The following ELAVL2 variants were observed in gnomAD, a reference collection of about 807,000 sequenced individuals.
The protein encoded by ELAVL2 is ELAV-like protein 2.
Under a neutral mutation model 34.6 loss-of-function variants are expected in ELAVL2, and 4 were observed. The observed-to-expected ratio is 0.12, with a 90% CI of 0.06 to 0.26. The LOEUF is 0.26. Ranked by LOEUF, ELAVL2 falls within the 10% of genes least tolerant of loss-of-function variation. The probability of loss-of-function intolerance (pLI) is 1.00; values close to 1 mark genes in which losing one functional copy is unlikely to be tolerated. For synonymous variants in ELAVL2, 193 were observed against 154.8 expected (o/e 1.25, Z -1.83); for missense variants, 432 against 442.8 (o/e 0.98, Z 0.22).
At chr9:23,804,786 C>T (rs1017947583) in intron 1 of ELAVL2, among the ~76,000 whole-genome samples, 11 of 152,092 alleles carry the variant, frequency 7.2e-5, no homozygotes, top group African/African-American at 2.4e-4. Context: ...AAAGGCAAGT[C>T]GGGAACCAGC....
At chr9:23,834,927 A>G in the ELAVL2 span, among the ~76,000 whole-genome samples, 1 of 152,096 alleles carries the variant, frequency 6.6e-6, no homozygotes, top group Non-Finnish European at 1.5e-5. Flanking sequence ...CTTTTATCAC[A>G]AAAAGCTCAA....
At chr9:23,779,786 T>C (rs963185720) in intron 1 of ELAVL2, among the ~76,000 whole-genome samples, 7 of 151,900 alleles carry the variant, frequency 4.6e-5, no homozygotes, top group African/African-American at 1.7e-4. Context: ...CAGGAGAAAC[T>C]ATACTTTTCA....
At chr9:23,730,104 C>T (rs1210405784) in intron 3 of ELAVL2, among the ~76,000 whole-genome samples, 2 of 151,922 alleles carry the variant, frequency 1.3e-5, no homozygotes, top group Admixed American at 1.3e-4. Context: ...AGAAAGAGTG[C>T]CATGATTGAC....
At chr9:23,712,998 C>G (rs554073572) in intron 3 of ELAVL2, among the ~76,000 whole-genome samples, 3 of 152,334 alleles carry the variant, frequency 2.0e-5, no homozygotes, top group Admixed American at 2.0e-4. Context: ...TAAACAGCCT[C>G]TGACAAACTA....
chr9:23,729,058 A>G (rs1189569684), intron 3 of ELAVL2, among the ~76,000 whole-genome samples: 2 of 152,152 alleles, frequency 1.3e-5, no homozygotes, highest in African/African-American at 4.8e-5. Context: ...CTGGATGATG[A>G]ACAGTAAGGA....
intron 1 of ELAVL2, among the ~76,000 whole-genome samples, chr9:23,816,317 TAAAAAAAAAAAAAAAA>T (rs10717104): frequency 7.6e-4 from 34 of 44,708 alleles, no homozygotes; most frequent in African/African-American, 3.0e-3. Flanking sequence ...AAGCTTTCAG[TAAAAAAAAAAAAAAAA>T]AAAAAAAAAA....
At chr9:23,711,208 G>C (rs1475664254) in intron 3 of ELAVL2, among the ~76,000 whole-genome samples, 2 of 152,106 alleles carry the variant, frequency 1.3e-5, no homozygotes, top group African/African-American at 2.4e-5. Flanking sequence ...AGGTATTAAA[G>C]GTTAGGGCAG....
intron 2 of ELAVL2, among the ~76,000 whole-genome samples, chr9:23,739,615 G>C (rs1239725003): frequency 2.0e-5 from 3 of 151,808 alleles, no homozygotes; most frequent in Non-Finnish European, 4.4e-5. Context: ...AAAGACAATG[G>C]AGTTGTTCAA....
intron 1 of ELAVL2, among the ~76,000 whole-genome samples, chr9:23,814,688 A>T (rs964773587): frequency 2.6e-5 from 4 of 152,154 alleles, no homozygotes; most frequent in African/African-American, 4.8e-5. Flanking sequence ...CAGGTTATAA[A>T]ATCTTGCTCC....
chr9:23,829,034 T>G (rs2138732326), upstream of ELAVL2, among the ~76,000 whole-genome samples: 1 of 152,304 alleles, frequency 6.6e-6, no homozygotes, highest in South Asian at 2.1e-4. Flanking sequence ...TCACTCATAG[T>G]TTGGTAAAAG....
chr9:23,807,926 T>C (rs894602738), intron 1 of ELAVL2, among the ~76,000 whole-genome samples: 5 of 152,176 alleles, frequency 3.3e-5, no homozygotes, highest in African/African-American at 7.2e-5. Context: ...ATTCACCACA[T>C]AGCTTTCAGA....
chr9:23,783,504 C>T (rs1214171712), intron 1 of ELAVL2: 1 of 985,306 alleles, frequency 1.0e-6, no homozygotes, highest in African/African-American at 1.7e-5. Context: ...TGAATAAAGG[C>T]ATCAGGAATT....
chr9:23,771,425 A>G (rs1268357302), intron 1 of ELAVL2, among the ~76,000 whole-genome samples: 1 of 151,976 alleles, frequency 6.6e-6, no homozygotes, highest in African/African-American at 2.4e-5. Context: ...GGATATATAT[A>G]TAAATCTATA....
chr9:23,765,613 T>C (rs1334065350), intron 1 of ELAVL2, among the ~76,000 whole-genome samples: 1 of 152,158 alleles, frequency 6.6e-6, no homozygotes, highest in Admixed American at 6.6e-5. Flanking sequence ...TGATCCTTAA[T>C]CCTGGGACTT....
chr9:23,696,462 CTTTTTA>C (rs1705703582), intron 5 of ELAVL2, among the ~76,000 whole-genome samples: 1 of 152,106 alleles, frequency 6.6e-6, no homozygotes, highest in South Asian at 2.1e-4. Context: ...TCAAGGACAT[CTTTTTA>C]TTTTATTTAT....
At chr9:23,781,815 T>A (rs1265797623) in intron 1 of ELAVL2, among the ~76,000 whole-genome samples, 1 of 152,096 alleles carries the variant, frequency 6.6e-6, no homozygotes, top group African/African-American at 2.4e-5. Flanking sequence ...TGCCTCAGCC[T>A]CCTGAGTAGC....
intron 2 of ELAVL2, among the ~76,000 whole-genome samples, chr9:23,746,553 CCTT>C (rs913772735): frequency 3.3e-5 from 5 of 152,044 alleles, no homozygotes; most frequent in African/African-American, 1.2e-4. Context: ...ACCATCTTAT[CCTT>C]CTATCACTTC....
intron 5 of ELAVL2, 39 bp downstream of exon 5, chr9:23,701,340 C>T: frequency 1.0e-5 from 16 of 1,601,372 alleles, no homozygotes; most frequent in Non-Finnish European, 1.4e-5. Flanking sequence ...TATTCTCTTT[C>T]AGTTTAGTAG....
chr9:23,818,116 C>T (rs938792560), intron 1 of ELAVL2, among the ~76,000 whole-genome samples: 1 of 152,058 alleles, frequency 6.6e-6, no homozygotes. Flanking sequence ...TAACCAGAAC[C>T]GGTGAAGACT....
Sources: allele counts gnomAD v4.1 joint callset (sites outside exome capture counted in the v4.1 genomes callset), GRCh38; gene constraint gnomAD v4.1.1; transcripts MANE v1.5; gene names NCBI Gene and HGNC (gene_info 2026-07-23, HGNC 2026-07-21).